LPP: variants seen among roughly 807,000 people sequenced by gnomAD.
The protein encoded by LPP is lipoma-preferred partner.
In LPP, 38 loss-of-function variants were observed where a neutral mutation model predicts 60.4. The ratio of observed to expected loss-of-function variants is 0.63; its 90% confidence interval spans 0.49 to 0.83. The LOEUF is 0.83. Ranked by LOEUF, LPP falls within the 40% of genes least tolerant of loss-of-function variation. LPP has a pLI of 0.00. For missense variants in LPP, 902 were observed against 783.6 expected (o/e 1.15, Z -1.80); for synonymous variants, 328 against 290.8 (o/e 1.13, Z -1.30).
chr3:188,758,616 A>G (rs1272142441), intron 8 of LPP: 2 of 152,152 alleles, frequency 1.3e-5, no homozygotes, highest in African/African-American at 4.8e-5. Flanking sequence ...TTTTTCTCTC[A>G]CGTTGAAACA....
At chr3:188,450,808 G>A (rs924488451) in intron 4 of LPP, among the ~76,000 whole-genome samples, 2 of 151,772 alleles carry the variant, frequency 1.3e-5, no homozygotes, top group African/African-American at 4.8e-5. Context: ...TTGTAATACT[G>A]TAGAGTCTTC....
At chr3:188,692,582 TG>T (rs1862364742) in intron 7 of LPP, among the ~76,000 whole-genome samples, 1 of 152,244 alleles carries the variant, frequency 6.6e-6, no homozygotes, top group South Asian at 2.1e-4. Flanking sequence ...CTCTGTGCTC[TG>T]ATAGCACATC....
intron 1 of LPP, among the ~76,000 whole-genome samples, chr3:188,203,851 C>T (rs981897122): frequency 1.3e-5 from 2 of 151,298 alleles, no homozygotes; most frequent in African/African-American, 4.9e-5. Context: ...CAAAGGCTTG[C>T]ACATGGTTAC....
chr3:188,866,210 A>AGCAGT lies in LPP; in HGVS notation c.1425_1429dup (p.Asn477SerfsTer29). Reference sequence around the variant, plus strand: ...TGTTTCCTTCCCCAGAATACTCTGGAGCAGTGCAATGTGTGTTCCAAGCCC... The same window carrying AGCAGT: ...TGTTTCCTTCCCCAGAATACTCTGGAGCAGTGCAGTGCAATGTGTGTTCCAAGCCC... On this transcript the variant is annotated frameshift_variant, in exon 10 of 12. Coordinates refer to ENST00000617246, the MANE Select transcript of LPP (RefSeq NM_001375462.1). LOFTEE classifies it high-confidence loss of function. 6.6e-7 allele frequency: 1 copy of AGCAGT among 1,514,378 alleles called. No individual in the cohort carries two copies. The highest frequency in any genetic ancestry group is 2.5e-5 in the East Asian group (1 of 40,138). The allele number at this position is 1,514,378 out of a possible 1,614,324, so 93.8% of individuals were successfully genotyped here. A position where few individuals can be genotyped will look rare whatever the true frequency, so the allele number is the denominator to read the frequency against.
chr3:188,347,599 C>T (rs1481222008), intron 3 of LPP, among the ~76,000 whole-genome samples: 1 of 152,014 alleles, frequency 6.6e-6, no homozygotes, highest in African/African-American at 2.4e-5. Context: ...CCCGGCCTAC[C>T]CCCCCATTAT....
At chr3:188,389,593 T>C (rs375641676) in intron 3 of LPP, among the ~76,000 whole-genome samples, 1 of 152,048 alleles carries the variant, frequency 6.6e-6, no homozygotes, top group South Asian at 2.1e-4. Context: ...CTGGCCAATG[T>C]GGCGAAACGC....
chr3:188,204,208 G>A (rs1732502594), intron 1 of LPP, among the ~76,000 whole-genome samples: 1 of 152,160 alleles, frequency 6.6e-6, no homozygotes, highest in African/African-American at 2.4e-5. Context: ...AATTGAGGGT[G>A]CACTCCTGCC....
intron 6 of LPP, among the ~76,000 whole-genome samples, chr3:188,589,790 T>G (rs1316719466): frequency 6.6e-6 from 1 of 152,230 alleles, no homozygotes; most frequent in Non-Finnish European, 1.5e-5. Flanking sequence ...TATTTTATTA[T>G]TACATTTTTA....
At chr3:188,167,690 C>T (rs1394046140) in intron 1 of LPP, among the ~76,000 whole-genome samples, 2 of 151,750 alleles carry the variant, frequency 1.3e-5, no homozygotes, top group Admixed American at 6.6e-5. Context: ...ATGGTAGACC[C>T]AGTGTTTGCT....
chr3:188,685,824 A>G (rs1424569021), intron 7 of LPP, among the ~76,000 whole-genome samples: 1 of 152,156 alleles, frequency 6.6e-6, no homozygotes, highest in African/African-American at 2.4e-5. Context: ...AGCTCCCTTG[A>G]ACAAGCTTCT....
intron 3 of LPP, among the ~76,000 whole-genome samples, chr3:188,350,248 C>T (rs1325212443): frequency 1.3e-5 from 2 of 152,150 alleles, no homozygotes; most frequent in African/African-American, 4.8e-5. Flanking sequence ...CCAGTCAAGA[C>T]TTGGTGTGAT....
intron 4 of LPP, among the ~76,000 whole-genome samples, chr3:188,469,036 G>A (rs1801135168): frequency 6.6e-6 from 1 of 152,150 alleles, no homozygotes; most frequent in African/African-American, 2.4e-5. Context: ...CTGAGGAAGT[G>A]AAGAAAGCAG....
intron 6 of LPP, among the ~76,000 whole-genome samples, chr3:188,578,024 G>C (rs1186675100): frequency 6.6e-6 from 1 of 151,986 alleles, no homozygotes; most frequent in Non-Finnish European, 1.5e-5. Context: ...AAAGAGATGA[G>C]ATTTTTGAAA....
intron 1 of LPP, among the ~76,000 whole-genome samples, chr3:188,194,831 G>A (rs1342546734): frequency 6.6e-6 from 1 of 152,160 alleles, no homozygotes; most frequent in Non-Finnish European, 1.5e-5. Flanking sequence ...TGTGAGATTT[G>A]CAGAGTTAAG....
At chr3:188,828,322 C>G (rs1169674926) in intron 9 of LPP, among the ~76,000 whole-genome samples, 2 of 151,748 alleles carry the variant, frequency 1.3e-5, no homozygotes, top group African/African-American at 4.8e-5. Context: ...ATTAGAACCC[C>G]AGCTGCATGC....
At position 188,371,881 on chromosome 3, in the gene LPP, C is replaced by T. The variant is rs578171103; in HGVS notation, c.-10+30162C>T. 4.0e-5 allele frequency among the ~76,000 whole-genome samples: 6 copies of T among 151,448 alleles called. No individual in the cohort carries two copies. In the East Asian group the frequency reaches 9.7e-4, roughly 25 times the overall value. ...CCATGTTGGCCAGGCTGGTCTTGAA[C>T]TCCTGACCTCAAGTGATCCGCCCGT... On this transcript the variant is annotated intron_variant, in intron 3 of 11. Coordinates refer to ENST00000617246, the MANE Select transcript of LPP (RefSeq NM_001375462.1).
chr3:188,564,626 T>C (rs1265458761), intron 6 of LPP, among the ~76,000 whole-genome samples: 1 of 151,906 alleles, frequency 6.6e-6, no homozygotes, highest in Non-Finnish European at 1.5e-5. Context: ...GTGCTTAAAG[T>C]TACCTCAGAT....
intron 7 of LPP, among the ~76,000 whole-genome samples, chr3:188,692,908 A>G (rs943813965): frequency 6.6e-6 from 1 of 152,236 alleles, no homozygotes; most frequent in Non-Finnish European, 1.5e-5. Flanking sequence ...TTGTCAGCAG[A>G]ATTGAGTCCT....
intron 6 of LPP, among the ~76,000 whole-genome samples, chr3:188,542,175 T>A (rs1351380357): frequency 6.6e-6 from 1 of 152,232 alleles, no homozygotes; most frequent in African/African-American, 2.4e-5. Context: ...GTCAACTGTT[T>A]GATCTCTCTG....
Sources: gnomAD v4.1 joint callset for allele counts (sites outside exome capture counted in the v4.1 genomes callset) on GRCh38, gnomAD v4.1.1 for gene constraint, MANE v1.5 for transcripts, NCBI Gene and HGNC (gene_info 2026-07-23, HGNC 2026-07-21) for gene names.